Variants in ADAM7 observed in about 807,000 individuals in gnomAD.
ADAM7 encodes ADAM metallopeptidase domain 7, also known as disintegrin and metalloproteinase domain-containing protein 7.
A neutral mutation model predicts 102.9 loss-of-function variants in ADAM7; 97 were observed. The observed-to-expected ratio is 0.94, with a 90% CI of 0.80 to 1.12. The LOEUF is 1.12. Among genes scored for constraint, ADAM7 ranks in the 50% most tolerant of loss-of-function variants. The pLI is 0.00. For missense variants in ADAM7, 991 were observed against 908.7 expected (o/e 1.09, Z -1.16); for synonymous variants, 334 against 304.4 (o/e 1.10, Z -1.01).
intron 3 of ADAM7, among the ~76,000 whole-genome samples, chr8:24,461,075 CT>C: frequency 6.6e-6 from 1 of 152,094 alleles, no homozygotes; most frequent in Non-Finnish European, 1.5e-5. Context: ...TTTCTGTATG[CT>C]CCACCTTCTG....
intron 3 of ADAM7, among the ~76,000 whole-genome samples, chr8:24,456,720 T>C (rs1819048911): frequency 6.6e-6 from 1 of 152,070 alleles, no homozygotes; most frequent in Non-Finnish European, 1.5e-5. Context: ...CTCTTTTGTG[T>C]AAGACTTTTA....
At position 24,465,719 on chromosome 8, in the gene ADAM7, A is replaced by G; in HGVS notation, c.333A>G (p.Gly111=). The G allele has an allele frequency of 6.2e-7, 1 of 1,608,428 alleles. No individual in the cohort carries two copies. The highest frequency in any genetic ancestry group is 8.5e-7 in the Non-Finnish European group (1 of 1,177,370). The part of the protein sequence containing the change: ...PQIMDHCFYQ[G]SIVHEYDSAA... ...TTTAGGATCATTGTTTTTACCAAGG[A>G]TCCATAGTACACGAATATGATTCAG... Residue 111 remains glycine (G), a synonymous_variant, in exon 5 of 22, where the codon GGA becomes GGG. Coordinates refer to ENST00000175238, the MANE Select transcript of ADAM7 (RefSeq NM_003817.4).
At chr8:24,442,686 A>G (rs1354923074) in intron 2 of ADAM7, 110 bp downstream of exon 2, 3 of 844,320 alleles carry the variant, frequency 3.6e-6, no homozygotes. Flanking sequence ...CAATTTTTCT[A>G]AGGACTCCCA....
chr8:24,501,418 T>A, intron 19 of ADAM7, 59 bp from the exon 20 acceptor site: 1 of 1,278,102 alleles, frequency 7.8e-7, no homozygotes, highest in Non-Finnish European at 1.1e-6. Flanking sequence ...CATGAAGAAA[T>A]AAATAACCTG....
At chr8:24,448,681 A>C (rs1045641180) in intron 3 of ADAM7, among the ~76,000 whole-genome samples, 17 of 151,324 alleles carry the variant, frequency 1.1e-4, no homozygotes, top group Non-Finnish European at 2.1e-4. Context: ...TATTATTATT[A>C]TTATACTTTA....
chr8:24,450,366 G>A (rs139025516), intron 3 of ADAM7, among the ~76,000 whole-genome samples: 10,351 of 152,012 alleles, frequency 0.068, 557 homozygotes, highest in African/African-American at 0.14. Context: ...GGTCCTTCAC[G>A]TCCCTTGTAA....
intron 8 of ADAM7, among the ~76,000 whole-genome samples, chr8:24,478,298 C>T (rs753132098): frequency 6.6e-6 from 1 of 152,126 alleles, no homozygotes; most frequent in Non-Finnish European, 1.5e-5. Flanking sequence ...TCTTGCCACA[C>T]AGTGCTCTCT....
chr8:24,496,996 T>C (rs1354171351), intron 16 of ADAM7, among the ~76,000 whole-genome samples: 1 of 152,194 alleles, frequency 6.6e-6, no homozygotes, highest in Non-Finnish European at 1.5e-5. Flanking sequence ...CACCCAAATC[T>C]CATCTTGAAT....
At chr8:24,502,556 C>T (rs1820798715) in intron 20 of ADAM7, among the ~76,000 whole-genome samples, 1 of 151,776 alleles carries the variant, frequency 6.6e-6, no homozygotes, top group Admixed American at 6.6e-5. Context: ...AGAAAGGCAA[C>T]ATCAATGAAG....
intron 16 of ADAM7, among the ~76,000 whole-genome samples, chr8:24,495,302 C>T (rs1563394852): frequency 6.6e-6 from 1 of 152,138 alleles, no homozygotes; most frequent in Non-Finnish European, 1.5e-5. Context: ...GATGCAACAA[C>T]AAGGTGACAC....
rs562525372 is a variant in ADAM7, at chr8:24,442,421, G to A, written c.53-52G>A. 5.4e-5 allele frequency: 68 copies of A among 1,253,572 alleles called. No individual in the cohort carries two copies. The South Asian group carries it at 7.2e-4, about 13-fold the overall frequency. The allele number at this position is 1,253,572 out of a possible 1,614,324, so 77.7% of individuals were successfully genotyped here. ...AGAACAATTCTGTTTTTCAGCCGCT[G>A]TAGACGAATGTTAATGTCAGACGGA... On this transcript the variant is annotated intron_variant, in intron 1 of 21. Transcript: ENST00000175238.
chr8:24,485,209 C>A, intron 9 of ADAM7, 68 bp from the exon 10 acceptor site: 1 of 1,415,360 alleles, frequency 7.1e-7, no homozygotes, highest in Non-Finnish European at 9.9e-7. Flanking sequence ...GGGTTCACTG[C>A]AATTTGATCT....
intron 7 of ADAM7, 38 bp downstream of exon 7, chr8:24,468,858 C>G: frequency 6.5e-7 from 1 of 1,548,994 alleles, no homozygotes; most frequent in South Asian, 1.1e-5. Context: ...TTTATTCTTC[C>G]TTTTGGAACT....
At chr8:24,499,122 T>A (rs1820658867) in intron 16 of ADAM7, 114 bp from the exon 17 acceptor site, 1 of 739,994 alleles carries the variant, frequency 1.4e-6, no homozygotes, top group African/African-American at 1.8e-5. Flanking sequence ...TAAATTGAAA[T>A]TTTTCATATG....
chr8:24,463,535 A>T (rs2129380776), intron 3 of ADAM7, among the ~76,000 whole-genome samples: 1 of 152,266 alleles, frequency 6.6e-6, no homozygotes, highest in Non-Finnish European at 1.5e-5. Flanking sequence ...TTATGATGTG[A>T]TGAATATAAG....
rs1820940530 is a variant in ADAM7, at chr8:24,506,110, T to C, written c.2209-1370T>C. The C allele has an allele frequency of 4.5e-6, 7 of 1,550,156 alleles. No individual in the cohort carries two copies. In the South Asian group the frequency reaches 7.1e-5, roughly 16 times the overall value. On this transcript the variant is annotated intron_variant, in intron 20 of 21. Coordinates refer to ENST00000175238, the MANE Select transcript of ADAM7 (RefSeq NM_003817.4). ...TACTAGCAGAGAACTCCAGAATCCT[T>C]GGAAAGCCTGCCCACTAGTTTTTCA...
intron 20 of ADAM7, chr8:24,505,942 T>C: frequency 1.6e-6 from 1 of 620,288 alleles, no homozygotes; most frequent in African/African-American, 1.9e-5. Context: ...ATTCCCACTC[T>C]TCTCATATGT....
At chr8:24,471,503 C>A (rs73223149) in intron 7 of ADAM7, among the ~76,000 whole-genome samples, 20,778 of 149,374 alleles carry the variant, frequency 0.14, 1,631 homozygotes, top group Non-Finnish European at 0.18. Context: ...TTTTATTGTA[C>A]TTTTTCTATG....
intron 20 of ADAM7, among the ~76,000 whole-genome samples, chr8:24,506,786 C>T (rs960037218): frequency 1.3e-5 from 2 of 148,776 alleles, no homozygotes; most frequent in Non-Finnish European, 3.0e-5. Context: ...CACACACACA[C>T]ACACAAAATA....
Sources: gnomAD v4.1 joint callset for allele counts (sites outside exome capture counted in the v4.1 genomes callset) on GRCh38, gnomAD v4.1.1 for gene constraint, MANE v1.5 for transcripts, NCBI Gene and HGNC (gene_info 2026-07-23, HGNC 2026-07-21) for gene names.